GNAS: variants seen among roughly 807,000 people sequenced by gnomAD.
GNAS encodes protein ALEX.
In GNAS, 8 loss-of-function variants were observed where a neutral mutation model predicts 54.5. The observed-to-expected ratio is 0.15, with a 90% CI of 0.09 to 0.26. GNAS has a LOEUF of 0.26. Among genes scored for constraint, GNAS ranks in the 10% least tolerant of loss-of-function variants. The pLI, the probability that GNAS is intolerant of heterozygous loss-of-function variation, is 1.00. For synonymous variants in GNAS, 204 were observed against 191.4 expected, an observed-to-expected ratio of 1.07 and a Z score of -0.54; for missense variants, 170 against 529.8, an observed-to-expected ratio of 0.32 and a Z score of 6.67.
chr20:58,901,530 TGA>T (rs995461639), intron 3 of GNAS, among the ~76,000 whole-genome samples: 3 of 152,130 alleles, frequency 2.0e-5, no homozygotes, highest in African/African-American at 7.2e-5. Context: ...TAAATGGCCC[TGA>T]GGGGATTCCT....
chr20:58,901,606 G>T (rs115961962), intron 3 of GNAS, among the ~76,000 whole-genome samples: 2,593 of 140,738 alleles, frequency 0.018, 80 homozygotes, highest in African/African-American at 0.066. Context: ...TGGCCCCTCT[G>T]AACTTCCCCA....
upstream of GNAS, among the ~76,000 whole-genome samples, chr20:58,890,478 C>G (rs2089082541): frequency 6.6e-6 from 1 of 152,004 alleles, no homozygotes; most frequent in Admixed American, 6.5e-5. Flanking sequence ...CCACCTGCCC[C>G]TCGTGGTGTT....
At chr20:58,900,244 C>A in intron 3 of GNAS, 2 of 503,450 alleles carry the variant, frequency 4.0e-6, no homozygotes, top group Non-Finnish European at 3.6e-6. Context: ...GGCATTTGAG[C>A]AAGATATGAC....
chr20:58,865,279 G>T (rs1315798065), intron 1 of GNAS, among the ~76,000 whole-genome samples: 1 of 151,526 alleles, frequency 6.6e-6, no homozygotes, highest in Non-Finnish European at 1.5e-5. Flanking sequence ...TTAGCCGGGC[G>T]TGGTGGCGGG....
At chr20:58,899,495 C>A in intron 3 of GNAS, 1 of 541,478 alleles carries the variant, frequency 1.8e-6, no homozygotes, top group Non-Finnish European at 3.6e-6. Context: ...AGAATCATCT[C>A]GAAAAGCCTC....
intron 1 of GNAS, chr20:58,895,341 TTTTTTA>T: frequency 4.4e-6 from 2 of 456,372 alleles, no homozygotes; most frequent in South Asian, 4.3e-5. Context: ...CACCCCACAA[TTTTTTA>T]AACAATCAAA....
intron 1 of GNAS, among the ~76,000 whole-genome samples, chr20:58,867,183 T>G (rs2087116903): frequency 6.6e-6 from 1 of 152,240 alleles, no homozygotes. Flanking sequence ...AGCAAATGCT[T>G]AGAAGACTCA....
rs41276956 is a variant in GNAS, at chr20:58,911,138, T to C, written c.*309T>C. On this transcript the variant is annotated 3_prime_UTR_variant, in exon 13 of 13. Transcript: ENST00000371085. ...ATAAAAGAAACAAATGAAATAAATATTGTGTTGTGCAGCATTAAAAAAAAT... is the reference window on the plus strand; with the variant it reads ...ATAAAAGAAACAAATGAAATAAATACTGTGTTGTGCAGCATTAAAAAAAAT... 2.5e-4 allele frequency: 137 copies of C among 539,668 alleles called. No individual in the cohort carries two copies. The highest frequency in any genetic ancestry group is 6.7e-4 in the Admixed American group (26 of 38,906). The allele number at this position is 539,668 out of a possible 1,614,324, so 33.4% of individuals were successfully genotyped here. A position where few individuals can be genotyped will look rare whatever the true frequency, so the allele number is the denominator to read the frequency against.
intron 1 of GNAS, chr20:58,850,840 C>G: frequency 2.5e-6 from 1 of 398,754 alleles, no homozygotes; most frequent in Non-Finnish European, 4.4e-6. Context: ...CATACACCCG[C>G]CCCCCACCGG....
chr20:58,869,419 C>T (rs2087286875), intron 1 of GNAS, among the ~76,000 whole-genome samples: 1 of 152,154 alleles, frequency 6.6e-6, no homozygotes, highest in South Asian at 2.1e-4. Context: ...TTAATAGTTT[C>T]TGGGTCCCAA....
intron 1 of GNAS, chr20:58,855,276 A>G (rs1194662482): frequency 1.9e-6 from 3 of 1,586,056 alleles, no homozygotes; most frequent in African/African-American, 2.7e-5. Context: ...GCTCATCGAC[A>G]AACAACTCCA....
chr20:58,854,371 A>G (rs1358680799), intron 1 of GNAS: 3 of 1,571,944 alleles, frequency 1.9e-6, no homozygotes, highest in Non-Finnish European at 2.6e-6. Flanking sequence ...GATGCCGCGG[A>G]GGGAGGAAAA....
chr20:58,863,611 A>G lies in GNAS; in HGVS notation c.43+22725A>G, dbSNP rs1266676235. The G allele has an allele frequency of 6.6e-6, 1 of 152,202 alleles. No individual in the cohort carries two copies. Among genetic ancestry groups the G allele is most frequent in the African/African-American group, 2.4e-5 (1 of 41,438 alleles). The allele number at this position is 152,202 out of a possible 1,614,324, so 9.4% of individuals were successfully genotyped here. On this transcript the variant is annotated intron_variant, in intron 1 of 12. Transcript: ENST00000306090. This position sits in a 1 kb window ranked among gnomAD's most constrained non-coding sequence, Gnocchi z 4.1. ...GAAAAAAATCTCTGTACTACTTTCT[A>G]AAGAGTGTCACAGTTGAGCTTTCAC...
At chr20:58,899,160 A>G (rs1247949267) in intron 3 of GNAS, among the ~76,000 whole-genome samples, 175 bp downstream of exon 3, 2 of 152,226 alleles carry the variant, frequency 1.3e-5, no homozygotes, top group East Asian at 3.8e-4. Flanking sequence ...TGGAGCAAGT[A>G]AAGTGCGTAA....
Position 58,841,576 on chromosome 20 carries a change from G to C in GNAS, c.43+690G>C. 2.0e-6 allele frequency: 2 copies of C among 1,005,948 alleles called. No individual in the cohort carries two copies. Among genetic ancestry groups the C allele is most frequent in the Non-Finnish European group, 2.4e-6 (2 of 844,030 alleles). The allele number at this position is 1,005,948 out of a possible 1,614,324, so 62.3% of individuals were successfully genotyped here. On this transcript the variant is annotated intron_variant, in intron 1 of 12. Coordinates refer to the GNAS transcript ENST00000306090. This position sits in a 1 kb window ranked among gnomAD's most constrained non-coding sequence, Gnocchi z 5.0. ...CGCCACAGCCCGCCTCCCGTCGCTC[G>C]CGGGACAGAGACCGCCTCAAAGAGC...
intron 2 of GNAS, chr20:58,897,317 GAATCTGTCATTTGAAGAAA>G (rs1435196185): frequency 3.3e-5 from 5 of 152,184 alleles, no homozygotes; most frequent in African/African-American, 1.2e-4. Flanking sequence ...TTCCAACCAT[GAATCTGTCATTTGAAGAAA>G]AATCTTGCAT....
upstream of GNAS, among the ~76,000 whole-genome samples, chr20:58,889,928 G>T (rs1482209587): frequency 1.3e-5 from 2 of 151,688 alleles, no homozygotes; most frequent in African/African-American, 4.8e-5. Context: ...CGGAGAGCGA[G>T]AAGAAGACGG....
intron 1 of GNAS, among the ~76,000 whole-genome samples, chr20:58,862,302 T>C (rs549898129): frequency 1.2e-4 from 18 of 151,930 alleles, no homozygotes; most frequent in African/African-American, 4.3e-4. Flanking sequence ...GGATTACAGG[T>C]GCCTGCCAGC....
intron 2 of GNAS, among the ~76,000 whole-genome samples, chr20:58,896,646 A>G: frequency 6.6e-6 from 1 of 152,102 alleles, no homozygotes; most frequent in Non-Finnish European, 1.5e-5. Flanking sequence ...AAAAAGAAAA[A>G]ACAAAACAAA....
Sources: gnomAD v4.1 joint callset for allele counts (sites outside exome capture counted in the v4.1 genomes callset) on GRCh38, gnomAD v4.1.1 for gene constraint, Gnocchi (gnomAD v3.1) non-coding constraint, MANE v1.5 for transcripts, NCBI Gene and HGNC (gene_info 2026-07-23, HGNC 2026-07-21) for gene names.